The following GALNT7 variants were observed in gnomAD, a reference collection of about 807,000 sequenced individuals.
The protein encoded by GALNT7 is polypeptide N-acetylgalactosaminyltransferase 7.
A neutral mutation model predicts 82.1 loss-of-function variants in GALNT7; 60 were observed. The ratio of observed to expected loss-of-function variants is 0.73; its 90% confidence interval spans 0.59 to 0.91. The LOEUF (loss-of-function observed/expected upper bound fraction) is 0.91. Among genes scored for constraint, GALNT7 ranks in the 40% least tolerant of loss-of-function variants. The pLI is 0.00. For missense variants in GALNT7, 660 were observed against 804.2 expected, an observed-to-expected ratio of 0.82 and a Z score of 2.17; for synonymous variants, 243 against 275.1, an observed-to-expected ratio of 0.88 and a Z score of 1.15.
chr4:173,233,793 C>A (rs1030280524), intron 1 of GALNT7, among the ~76,000 whole-genome samples: 1 of 152,194 alleles, frequency 6.6e-6, no homozygotes, highest in Non-Finnish European at 1.5e-5. Context: ...TAATGTCTCA[C>A]CCTTGCCTTT....
At chr4:173,259,798 C>T (rs1735191074) in intron 2 of GALNT7, among the ~76,000 whole-genome samples, 1 of 152,080 alleles carries the variant, frequency 6.6e-6, no homozygotes, top group African/African-American at 2.4e-5. Flanking sequence ...CCACCACGCC[C>T]AGCTAGTTTT....
chr4:173,184,155 T>C (rs1421204107), intron 1 of GALNT7, among the ~76,000 whole-genome samples: 1 of 122,676 alleles, frequency 8.2e-6, no homozygotes, highest in African/African-American at 3.2e-5. Flanking sequence ...TCCCAGACGA[T>C]GGGCGGCCAG....
intron 2 of GALNT7, among the ~76,000 whole-genome samples, chr4:173,259,719 C>G (rs1322094982): frequency 6.6e-6 from 1 of 152,164 alleles, no homozygotes; most frequent in South Asian, 2.1e-4. Flanking sequence ...CTCACTGCAA[C>G]CTCTGCCTCC....
At chr4:173,261,614 C>G (rs181404420) in intron 2 of GALNT7, among the ~76,000 whole-genome samples, 1 of 151,924 alleles carries the variant, frequency 6.6e-6, no homozygotes, top group Non-Finnish European at 1.5e-5. Flanking sequence ...GCCAGGAGTT[C>G]GAGACCAGCC....
chr4:173,318,484 A>C lies in GALNT7; in HGVS notation c.1761A>C (p.Thr587=). The change falls in exon 11 of 12, where the codon ACA becomes ACC. Residue 587 remains threonine, a synonymous_variant. Coordinates refer to ENST00000265000, the MANE Select transcript of GALNT7 (RefSeq NM_017423.3). ...TCATGCAGTATGACCAGTGTTTGAC[A>C]AAGGGAGCTGATGGATCAAAAGTTA... is the stretch of plus-strand genomic sequence containing the variant. ...NQLMQYDQCL[T]KGADGSKVMI... 1 of 1,594,650 alleles carries C rather than the reference A, an allele frequency of 6.3e-7. No individual in the cohort carries two copies. The highest frequency in any genetic ancestry group is 8.6e-7 in the Non-Finnish European group (1 of 1,163,362).
At chr4:173,191,116 G>A (rs1732614176) in intron 1 of GALNT7, among the ~76,000 whole-genome samples, 1 of 151,754 alleles carries the variant, frequency 6.6e-6, no homozygotes, top group African/African-American at 2.4e-5. Flanking sequence ...ATTCCAAGAA[G>A]AACTAGCACC....
At chr4:173,207,811 AGGTTATGTAAGT>A (rs935525257) in intron 1 of GALNT7, among the ~76,000 whole-genome samples, 1 of 152,184 alleles carries the variant, frequency 6.6e-6, no homozygotes, top group Non-Finnish European at 1.5e-5. Flanking sequence ...CATTTTAGAA[AGGTTATGTAAGT>A]TTACTCTTTT....
At chr4:173,254,185 AAT>A (rs1411164729) in intron 2 of GALNT7, among the ~76,000 whole-genome samples, 1 of 152,196 alleles carries the variant, frequency 6.6e-6, no homozygotes, top group East Asian at 1.9e-4. Context: ...TAAGATCGTT[AAT>A]ATCTTTCTTA....
intron 1 of GALNT7, among the ~76,000 whole-genome samples, chr4:173,194,196 G>C (rs1259254127): frequency 2.0e-5 from 3 of 152,170 alleles, no homozygotes; most frequent in African/African-American, 7.2e-5. Context: ...AGGCTTAGGA[G>C]ACTAAGGATG....
At chr4:173,216,678 T>G (rs2126680391) in intron 1 of GALNT7, among the ~76,000 whole-genome samples, 1 of 145,262 alleles carries the variant, frequency 6.9e-6, no homozygotes, top group South Asian at 2.2e-4. Context: ...TCTTGTAGTT[T>G]CAGTAATTTG....
At chr4:173,291,936 A>C (rs1561192254) in intron 2 of GALNT7, among the ~76,000 whole-genome samples, 172 bp from the exon 3 acceptor site, 1 of 152,228 alleles carries the variant, frequency 6.6e-6, no homozygotes, top group Non-Finnish European at 1.5e-5. Flanking sequence ...ACTTTATCTC[A>C]TAACAGCTTC....
intron 5 of GALNT7, chr4:173,297,828 A>G (rs1411019497): frequency 1.4e-6 from 2 of 1,468,880 alleles, no homozygotes; most frequent in Non-Finnish European, 1.8e-6. Context: ...TAGATTACAT[A>G]GATGGGAATG....
At chr4:173,232,967 G>A (rs777803717) in intron 1 of GALNT7, among the ~76,000 whole-genome samples, 13 of 152,108 alleles carry the variant, frequency 8.5e-5, no homozygotes, top group Non-Finnish European at 1.8e-4. Flanking sequence ...TTTAGCTCTC[G>A]CGTATGAGTG....
At chr4:173,281,438 A>G (rs112015382) in intron 2 of GALNT7, among the ~76,000 whole-genome samples, 2,270 of 152,132 alleles carry the variant, frequency 0.015, 66 homozygotes, top group African/African-American at 0.052. Context: ...CTTCCATCCC[A>G]TAGAGTTGCC....
intron 1 of GALNT7, among the ~76,000 whole-genome samples, chr4:173,173,542 G>A (rs985142699): frequency 6.6e-6 from 1 of 152,162 alleles, no homozygotes; most frequent in African/African-American, 2.4e-5. Flanking sequence ...GGGGAGTTGG[G>A]TTGGGTGGGG....
chr4:173,203,145 G>C (rs1732994112), intron 1 of GALNT7, among the ~76,000 whole-genome samples: 1 of 152,094 alleles, frequency 6.6e-6, no homozygotes, highest in African/African-American at 2.4e-5. Flanking sequence ...ACCCAAGCTG[G>C]AGTGCAGTGG....
intron 1 of GALNT7, among the ~76,000 whole-genome samples, chr4:173,195,886 A>T (rs1732756568): frequency 6.6e-6 from 1 of 152,194 alleles, no homozygotes; most frequent in Non-Finnish European, 1.5e-5. Flanking sequence ...ACAATTTAAA[A>T]CCTAAAACTA....
rs1734740200 is a variant in GALNT7 at position 173,248,454 on chromosome 4, CTCT to C, written c.587+19_587+21del. The C allele has an allele frequency of 1.3e-6, 2 of 1,494,238 alleles. No individual in the cohort carries two copies. Among genetic ancestry groups the C allele is most frequent in the Admixed American group, 1.9e-5 (1 of 52,182 alleles). 92.6% of individuals were successfully genotyped at this position (1,494,238 alleles called of 1,614,324 possible). A position where few individuals can be genotyped will look rare whatever the true frequency, so the allele number is the denominator to read the frequency against. ...ACGCCAAGAAGAGTAAGCACACATC[CTCT>C]TCTTTCTAAAAATGGGGCAACTGTT... On this transcript the variant is annotated intron_variant, in intron 2 of 11. Transcript: ENST00000265000.
At chr4:173,247,749 C>A (rs920173644) in intron 1 of GALNT7, among the ~76,000 whole-genome samples, 1 of 152,136 alleles carries the variant, frequency 6.6e-6, no homozygotes, top group Admixed American at 6.6e-5. Flanking sequence ...AAAAATGCAT[C>A]CTTTCATTAA....
Sources: gnomAD v4.1 joint callset for allele counts (sites outside exome capture counted in the v4.1 genomes callset) on GRCh38, gnomAD v4.1.1 for gene constraint, MANE v1.5 for transcripts, NCBI Gene and HGNC (gene_info 2026-07-23, HGNC 2026-07-21) for gene names.